The following NEK3 variants were observed in gnomAD, a reference collection of about 807,000 sequenced individuals.
NEK3 encodes the protein serine/threonine-protein kinase Nek3.
NEK3 carries 54 observed loss-of-function variants against 66.0 expected under a neutral mutation model. That is an observed-to-expected ratio of 0.82 (90% CI 0.66 to 1.03). The LOEUF is 1.03. NEK3 is among the 50% of genes least tolerant of loss of function. NEK3 has a pLI of 0.00. For synonymous variants in NEK3, 200 were observed against 206.2 expected, an observed-to-expected ratio of 0.97 and a Z score of 0.26; for missense variants, 593 against 603.0, an observed-to-expected ratio of 0.98 and a Z score of 0.17.
intron 4 of NEK3, among the ~76,000 whole-genome samples, 196 bp from the exon 5 acceptor site, chr13:52,152,888 T>C (rs1313417883): frequency 6.6e-6 from 1 of 152,204 alleles, no homozygotes; most frequent in Non-Finnish European, 1.5e-5. Flanking sequence ...GACTCCCATA[T>C]TCCATCATCT....
intron 2 of NEK3, 53 bp from the exon 3 acceptor site, chr13:52,154,226 T>C (rs12585792): frequency 8.9e-7 from 1 of 1,117,932 alleles, no homozygotes; most frequent in East Asian, 2.5e-5. Context: ...TTAAAATACA[T>C]AACTTTACAA....
In NEK3 at chr13:52,136,899, C is replaced by A; in HGVS notation, c.931G>T (p.Glu311Ter). 1 of 1,555,630 alleles carries A rather than the reference C, an allele frequency of 6.4e-7. No homozygotes were observed. Among genetic ancestry groups the A allele is most frequent in the South Asian group, 1.2e-5 (1 of 83,184 alleles). Residue 311 changes from glutamate to a stop codon, truncating the protein, a stop_gained, in exon 12 of 16, where the codon GAG (glutamate) becomes TAG (stop). Coordinates refer to ENST00000610828, the MANE Select transcript of NEK3 (RefSeq NM_002498.3). LOFTEE classifies it high-confidence loss of function. ...CTACCCTTTCTATCTTGTTCTTCCT[C>A]TTGCTTTAAAAGAGATTAACAATAC... ...ALGNEASTVQ[E>*]EEQDRKGSHT...
At chr13:52,135,664 T>C (rs773507301) in intron 14 of NEK3, 65 bp downstream of exon 14, 285 of 1,415,554 alleles carry the variant, frequency 2.0e-4, no homozygotes, top group Non-Finnish European at 2.6e-4. Context: ...TTTTATGTTA[T>C]ATATATTTGC....
intron 1 of NEK3, among the ~76,000 whole-genome samples, chr13:52,158,818 G>A (rs1956417570): frequency 6.6e-6 from 1 of 152,212 alleles, no homozygotes; most frequent in South Asian, 2.1e-4. Context: ...CTTTACAGAT[G>A]TATAAGTAAT....
At chr13:52,136,023 AC>A (rs1956202519) in intron 13 of NEK3, 92 bp downstream of exon 13, 1 of 1,525,808 alleles carries the variant, frequency 6.6e-7, no homozygotes, top group Non-Finnish European at 9.0e-7. Context: ...GACGCCAAAT[AC>A]CCTTCACAGA....
chr13:52,143,015 C>G (rs1644852432), intron 10 of NEK3, among the ~76,000 whole-genome samples: 1 of 152,176 alleles, frequency 6.6e-6, no homozygotes, highest in Non-Finnish European at 1.5e-5. Flanking sequence ...GGAAAAGGCT[C>G]TGGTTTTTGT....
chr13:52,133,840 A>G, intron 14 of NEK3, 25 bp from the exon 15 acceptor site: 1 of 1,579,240 alleles, frequency 6.3e-7, no homozygotes, highest in South Asian at 1.2e-5. Context: ...AACAGAAAAT[A>G]TACCAATTTA....
intron 11 of NEK3, among the ~76,000 whole-genome samples, chr13:52,140,802 A>C (rs544316967): frequency 6.6e-6 from 1 of 152,022 alleles, no homozygotes; most frequent in East Asian, 1.9e-4. Context: ...TCCAGGAGGT[A>C]GATATTTCAT....
At chr13:52,145,309 G>A (rs892688462) in intron 8 of NEK3, among the ~76,000 whole-genome samples, 2 of 151,992 alleles carry the variant, frequency 1.3e-5, no homozygotes, top group Non-Finnish European at 2.9e-5. Flanking sequence ...ATAGCAACAT[G>A]CACTTCAGAC....
Position 52,135,764 on chromosome 13 carries a change from C to T in NEK3, c.1274G>A (p.Ser425Asn). Residue 425 changes from serine (S) to asparagine (N), a missense_variant, in exon 14 of 16, where the codon AGC becomes AAC. Transcript: ENST00000610828. ...LLNILKNADL[S>N]LAFQTYTIYR... ...TATTGTGTATGTTTGAAAAGCCAAG[C>T]TGAGATCAGCATTCTTAAGGATGTT... 1 of 1,613,570 alleles carries T rather than the reference C, an allele frequency of 6.2e-7. No homozygotes were observed. Among genetic ancestry groups the T allele is most frequent in the African/African-American group, 1.3e-5 (1 of 75,020 alleles).
At chr13:52,133,335 A>G in intron 15 of NEK3, 109 bp from the exon 16 acceptor site, 1 of 931,506 alleles carries the variant, frequency 1.1e-6, no homozygotes, top group Admixed American at 2.4e-5. Context: ...TTGAAAATTG[A>G]GTTCCATAAG....
intron 12 of NEK3, 117 bp downstream of exon 12, chr13:52,136,683 G>A (rs1594021252): frequency 1.7e-6 from 1 of 576,588 alleles, no homozygotes; most frequent in East Asian, 3.0e-5. Context: ...TAAGTTACTA[G>A]ATAAGCAAAC....
chr13:52,135,946 G>T, intron 13 of NEK3, 83 bp from the exon 14 acceptor site: 1 of 1,531,372 alleles, frequency 6.5e-7, no homozygotes, highest in Non-Finnish European at 8.9e-7. Flanking sequence ...TTCAAGCGAA[G>T]TTAGTTATAT....
chr13:52,140,172 G>A lies in NEK3; in HGVS notation c.927+848C>T, dbSNP rs563118306. On this transcript the variant is annotated intron_variant, in intron 11 of 15. Transcript: ENST00000610828. ...CGAAGATGCAGTGAGCCATGTTCAC[G>A]TCATTGCACTCCAGCTTGGATGCCA... 4.3e-5 allele frequency among the ~76,000 whole-genome samples: 6 copies of A among 138,636 alleles called. No individual in the cohort carries two copies. The East Asian group carries it at 1.3e-3, about 30-fold the overall frequency. The allele number at this position is 138,636 out of a possible 152,430, so 91.0% of individuals were successfully genotyped here.
chr13:52,159,447 G>A (rs1272265112), intron 1 of NEK3, 96 bp downstream of exon 1: 1 of 151,834 alleles, frequency 6.6e-6, no homozygotes, highest in Non-Finnish European at 1.5e-5. Flanking sequence ...GCGCGTCCGG[G>A]GCGCGTCTAC....
At chr13:52,140,576 C>G (rs1956240815) in intron 11 of NEK3, among the ~76,000 whole-genome samples, 1 of 151,852 alleles carries the variant, frequency 6.6e-6, no homozygotes, top group African/African-American at 2.4e-5. Context: ...CCACTGCACT[C>G]CAGCCTGGGT....
chr13:52,140,817 G>A (rs766525539), intron 11 of NEK3, among the ~76,000 whole-genome samples: 9 of 151,376 alleles, frequency 5.9e-5, no homozygotes, highest in African/African-American at 1.5e-4. Context: ...TTTCATAAAC[G>A]TATTTTTTTT....
At chr13:52,155,778 G>A (rs1014509379) in intron 2 of NEK3, among the ~76,000 whole-genome samples, 3 of 152,158 alleles carry the variant, frequency 2.0e-5, no homozygotes, top group African/African-American at 7.2e-5. Flanking sequence ...CCAGGTTAGG[G>A]TGATTCTCCT....
At chr13:52,135,619 C>A in intron 14 of NEK3, 110 bp downstream of exon 14, 1 of 933,400 alleles carries the variant, frequency 1.1e-6, no homozygotes, top group Non-Finnish European at 1.6e-6. Context: ...CTTAGTGCTA[C>A]TGAACTGTAC....
Sources: gnomAD v4.1 joint callset for allele counts (sites outside exome capture counted in the v4.1 genomes callset) on GRCh38, gnomAD v4.1.1 for gene constraint, MANE v1.5 for transcripts, NCBI Gene and HGNC (gene_info 2026-07-23, HGNC 2026-07-21) for gene names.